EXOSC7: variants seen among roughly 807,000 people sequenced by gnomAD.
EXOSC7 encodes exosome component 7, also known as exosome complex component RRP42.
In EXOSC7, 25 loss-of-function variants were observed where a neutral mutation model predicts 34.3. The observed-to-expected ratio is 0.73, with a 90% confidence interval of 0.53 to 1.02. EXOSC7 has a LOEUF of 1.02. Ranked by LOEUF, EXOSC7 falls within the 50% of genes least tolerant of loss-of-function variation. EXOSC7 has a pLI of 0.00. For missense variants in EXOSC7, 370 were observed against 368.5 expected, an observed-to-expected ratio of 1.00 and a Z score of -0.03; for synonymous variants, 130 against 143.0, an observed-to-expected ratio of 0.91 and a Z score of 0.65.
At chr3:45,001,779 A>G (rs936858393) in intron 5 of EXOSC7, 171 bp downstream of exon 5, 9 of 586,558 alleles carry the variant, frequency 1.5e-5, no homozygotes, top group Non-Finnish European at 2.4e-5. Flanking sequence ...GATTTCGTGA[A>G]TTAAAACTAC....
intron 1 of EXOSC7, among the ~76,000 whole-genome samples, chr3:44,988,445 T>G (rs1187553918): frequency 6.6e-6 from 1 of 151,770 alleles, no homozygotes; most frequent in Non-Finnish European, 1.5e-5. Flanking sequence ...GCCAAAAGAG[T>G]CAGCAAACTT....
intron 1 of EXOSC7, among the ~76,000 whole-genome samples, chr3:44,985,177 A>G (rs1442988870): frequency 1.3e-5 from 2 of 152,170 alleles, no homozygotes; most frequent in Non-Finnish European, 2.9e-5. Flanking sequence ...TCTATGGGTG[A>G]GGTTGGGAAG....
rs563295616 is a variant in EXOSC7 at position 45,011,448 on chromosome 3, A to G, written c.*109A>G. The G allele has an allele frequency of 6.3e-5, 45 of 713,268 alleles. No individual in the cohort carries two copies. The Admixed American group carries it at 8.9e-4, about 14-fold the overall frequency. The allele number at this position is 713,268 out of a possible 1,614,324, so 44.2% of individuals were successfully genotyped here. A position where few individuals can be genotyped will look rare whatever the true frequency, so the allele number is the denominator to read the frequency against. On this transcript the variant is annotated 3_prime_UTR_variant, in exon 8 of 8. Coordinates refer to ENST00000265564, the MANE Select transcript of EXOSC7 (RefSeq NM_015004.4). ...AATTTACAGCAGCATTTGTACATGT[A>G]AAATTAAAGGCTATTTTCTGGTCTG...
intron 5 of EXOSC7, among the ~76,000 whole-genome samples, chr3:45,003,345 GCGTGC>G (rs1706937400): frequency 3.6e-5 from 1 of 27,426 alleles, no homozygotes; most frequent in Non-Finnish European, 6.1e-5. Flanking sequence ...GTGCGTGCGT[GCGTGC>G]GTGTGTGTGT....
chr3:44,994,403 G>A (rs1433773314), intron 3 of EXOSC7, among the ~76,000 whole-genome samples: 1 of 151,356 alleles, frequency 6.6e-6, no homozygotes, highest in Non-Finnish European at 1.5e-5. Context: ...CTTAAATCAG[G>A]GCTAGAAAGT....
At chr3:44,994,857 GTGTGT>G (rs1706674534) in intron 3 of EXOSC7, among the ~76,000 whole-genome samples, 1 of 3,048 alleles carries the variant, frequency 3.3e-4, no homozygotes, top group Admixed American at 3.9e-3. Context: ...GGAAGAATGG[GTGTGT>G]GTGTGTGTGT....
chr3:44,989,310 CGCTGTCTGGCTTTT>C, intron 2 of EXOSC7, 69 bp downstream of exon 2: 4 of 1,209,324 alleles, frequency 3.3e-6, no homozygotes, highest in Non-Finnish European at 4.8e-6. Flanking sequence ...GAGCTGCTGA[CGCTGTCTGGCTTTT>C]GGAATGCAAA....
intron 7 of EXOSC7, among the ~76,000 whole-genome samples, chr3:45,009,071 A>G (rs972605871): frequency 4.6e-5 from 7 of 152,198 alleles, no homozygotes; most frequent in African/African-American, 1.7e-4. Flanking sequence ...CTAGGATTTA[A>G]GCCAAGACTG....
chr3:45,005,964 C>G (rs1707025484), intron 6 of EXOSC7, among the ~76,000 whole-genome samples: 1 of 148,800 alleles, frequency 6.7e-6, no homozygotes, highest in South Asian at 2.2e-4. Context: ...TTCATTATCT[C>G]AAAATAAAGC....
downstream of EXOSC7, among the ~76,000 whole-genome samples, chr3:45,011,845 C>G (rs1305155121): frequency 2.0e-5 from 3 of 152,208 alleles, no homozygotes; most frequent in Non-Finnish European, 4.4e-5. Flanking sequence ...TGACTTCCTG[C>G]CCTCCAAGAG....
intron 5 of EXOSC7, 50 bp from the exon 6 acceptor site, chr3:45,005,241 G>A (rs553035472): frequency 1.2e-6 from 2 of 1,609,024 alleles, no homozygotes; most frequent in African/African-American, 1.3e-5. Flanking sequence ...TTAAAAAGAA[G>A]TTATTTTTCC....
At chr3:44,976,564 G>A (rs561856509) in intron 1 of EXOSC7, among the ~76,000 whole-genome samples, 1 of 152,150 alleles carries the variant, frequency 6.6e-6, no homozygotes, top group African/African-American at 2.4e-5. Flanking sequence ...TTCCGAACCC[G>A]GGCAGGAAGC....
chr3:45,007,358 A>T (rs1559752380), intron 6 of EXOSC7, 62 bp from the exon 7 acceptor site: 1 of 1,583,626 alleles, frequency 6.3e-7, no homozygotes, highest in East Asian at 2.2e-5. Flanking sequence ...CCACGAGGCC[A>T]TCAGGGGTGG....
At chr3:45,006,316 G>C (rs1281518408) in intron 6 of EXOSC7, among the ~76,000 whole-genome samples, 1 of 150,082 alleles carries the variant, frequency 6.7e-6, no homozygotes, top group Non-Finnish European at 1.5e-5. Context: ...GACCTCGGGT[G>C]ATCTGCCCAC....
At position 45,008,161 on chromosome 3, in the gene EXOSC7, T is replaced by C. The variant is rs11130041; in HGVS notation, c.771+586T>C. On this transcript the variant is annotated intron_variant, in intron 7 of 7. Coordinates refer to ENST00000265564, the MANE Select transcript of EXOSC7 (RefSeq NM_015004.4). ...CTGTTTGCCCCACATGTCTGTCACCTCACTGGCCTGGAAGCCCCGCAGGGC... is the reference window on the plus strand; with the variant it reads ...CTGTTTGCCCCACATGTCTGTCACCCCACTGGCCTGGAAGCCCCGCAGGGC... Among the ~76,000 whole-genome samples the C allele has an allele frequency of 1.7e-3, 265 of 152,330 alleles. 9 individuals carry two copies. In the East Asian group the frequency reaches 0.048, roughly 28 times the overall value.
In EXOSC7 at chr3:45,001,519, C is replaced by A. The variant is rs1296257984; in HGVS notation, c.421-19C>A. The A allele has an allele frequency of 1.3e-6, 2 of 1,595,618 alleles. No individual in the cohort carries two copies. Among genetic ancestry groups the A allele is most frequent in the East Asian group, 4.5e-5 (2 of 44,752 alleles). ...TGATGCTTGGTTTTTTTTCCTTTTT[C>A]AATTCCTGTCTCCCTTAGCTTCTGG... On this transcript the variant is annotated intron_variant, in intron 4 of 7. Coordinates refer to ENST00000265564, the MANE Select transcript of EXOSC7 (RefSeq NM_015004.4).
chr3:45,005,190 T>G (rs1030561766), intron 5 of EXOSC7, 101 bp from the exon 6 acceptor site: 18 of 1,380,406 alleles, frequency 1.3e-5, no homozygotes, highest in Non-Finnish European at 1.7e-5. Context: ...AGCGTGTCTT[T>G]CTCTTGTGAG....
intron 7 of EXOSC7, among the ~76,000 whole-genome samples, chr3:45,008,031 T>G (rs2125974320): frequency 6.6e-6 from 1 of 152,248 alleles, no homozygotes; most frequent in South Asian, 2.1e-4. Flanking sequence ...TAGAAGTGTT[T>G]AAATGGAGAC....
At chr3:44,980,083 G>GA (rs1706234933) in intron 1 of EXOSC7, among the ~76,000 whole-genome samples, 1 of 151,820 alleles carries the variant, frequency 6.6e-6, no homozygotes, top group Admixed American at 6.7e-5. Flanking sequence ...AACTGTGGAG[G>GA]AAGGGCTGCC....
Sources: allele counts gnomAD v4.1 joint callset (sites outside exome capture counted in the v4.1 genomes callset), GRCh38; gene constraint gnomAD v4.1.1; transcripts MANE v1.5; gene names NCBI Gene and HGNC (gene_info 2026-07-23, HGNC 2026-07-21).